ITPR2: variants seen among roughly 807,000 people sequenced by gnomAD.
The protein encoded by ITPR2 is inositol 1,4,5-trisphosphate-gated calcium channel ITPR2.
Under a neutral mutation model 317.1 loss-of-function variants are expected in ITPR2, and 207 were observed. That is an observed-to-expected ratio of 0.65 (90% confidence interval 0.58 to 0.73). The LOEUF (loss-of-function observed/expected upper bound fraction) is 0.73. Ranked by LOEUF, ITPR2 falls within the 30% of genes least tolerant of loss-of-function variation. The pLI is 0.00. For synonymous variants in ITPR2, 1,156 were observed against 1,149.1 expected, an observed-to-expected ratio of 1.01 and a Z score of -0.12; for missense variants, 2,613 against 3,284.0, an observed-to-expected ratio of 0.80 and a Z score of 4.99.
At chr12:26,429,970 A>G (rs1205341617) in intron 48 of ITPR2, among the ~76,000 whole-genome samples, 2 of 152,210 alleles carry the variant, frequency 1.3e-5, no homozygotes, top group African/African-American at 2.4e-5. Flanking sequence ...CCTCTTCACT[A>G]TTCTTTCCAA....
chr12:26,581,943 T>C (rs142161102), intron 32 of ITPR2, among the ~76,000 whole-genome samples: 308 of 152,318 alleles, frequency 2.0e-3, no homozygotes, highest in African/African-American at 7.0e-3. Flanking sequence ...ACACTGCATC[T>C]TCTGCAACTG....
chr12:26,748,358 C>T (rs1417355433), intron 2 of ITPR2, among the ~76,000 whole-genome samples: 1 of 152,116 alleles, frequency 6.6e-6, no homozygotes, highest in Non-Finnish European at 1.5e-5. Context: ...AGCACCCAGC[C>T]GAGGCTTTCC....
chr12:26,369,661 G>A (rs948038329), intron 55 of ITPR2, among the ~76,000 whole-genome samples: 12 of 152,252 alleles, frequency 7.9e-5, no homozygotes, highest in Middle Eastern at 3.4e-3. Context: ...TCTTGGGAGG[G>A]AGATTCTAAA....
chr12:26,764,447 G>C (rs79375490), intron 2 of ITPR2, among the ~76,000 whole-genome samples: 9,291 of 151,992 alleles, frequency 0.061, 663 homozygotes, highest in African/African-American at 0.18. Flanking sequence ...ATATGCAAAA[G>C]ACATACCTGA....
At chr12:26,710,977 G>A (rs1038911327) in intron 9 of ITPR2, among the ~76,000 whole-genome samples, 196 bp downstream of exon 9, 1 of 152,232 alleles carries the variant, frequency 6.6e-6, no homozygotes, top group East Asian at 1.9e-4. Flanking sequence ...TATTATCGTT[G>A]TTGTCTTAAT....
intron 13 of ITPR2, among the ~76,000 whole-genome samples, chr12:26,677,060 T>C (rs1947923653): frequency 6.6e-6 from 1 of 151,454 alleles, no homozygotes; most frequent in Non-Finnish European, 1.5e-5. Flanking sequence ...AGGAAGAATA[T>C]ATGGTCAAAA....
Position 26,338,750 on chromosome 12 carries a change from G to C in ITPR2, c.*647C>G, listed in dbSNP as rs1938006843. The C allele has an allele frequency of 6.6e-6, 1 of 152,144 alleles. No individual in the cohort carries two copies. Among genetic ancestry groups the C allele is most frequent in the Non-Finnish European group, 1.5e-5 (1 of 68,024 alleles). The allele number at this position is 152,144 out of a possible 1,614,324, so 9.4% of individuals were successfully genotyped here. On this transcript the variant is annotated 3_prime_UTR_variant, in exon 57 of 57. Coordinates refer to ENST00000381340, the MANE Select transcript of ITPR2 (RefSeq NM_002223.4). ...TGACAGAGCCTGTCTGAATCCCAGA[G>C]AAGGCAATCACATCCTGTTATGTTG...
intron 34 of ITPR2, among the ~76,000 whole-genome samples, chr12:26,574,007 A>G (rs1945221230): frequency 6.6e-6 from 1 of 152,208 alleles, no homozygotes; most frequent in Non-Finnish European, 1.5e-5. Context: ...AGGGTGACAC[A>G]AGAGAAAGAA....
chr12:26,715,029 C>T (rs1316937458), intron 8 of ITPR2, among the ~76,000 whole-genome samples: 3 of 151,866 alleles, frequency 2.0e-5, no homozygotes, highest in Admixed American at 6.6e-5. Context: ...AAAGTAAGAT[C>T]GTAATGTACC....
intron 37 of ITPR2, among the ~76,000 whole-genome samples, chr12:26,543,009 A>G (rs1160031757): frequency 6.6e-6 from 1 of 152,240 alleles, no homozygotes; most frequent in Non-Finnish European, 1.5e-5. Flanking sequence ...AGACATCTCT[A>G]CTTTCATGAT....
chr12:26,783,132 G>C (rs1394660001), intron 2 of ITPR2, among the ~76,000 whole-genome samples: 3 of 152,160 alleles, frequency 2.0e-5, no homozygotes, highest in African/African-American at 7.2e-5. Flanking sequence ...TTTCCCCCAA[G>C]TCCCTAATTA....
chr12:26,661,288 GT>G (rs1414274999), intron 15 of ITPR2, among the ~76,000 whole-genome samples: 6,223 of 61,878 alleles, frequency 0.1, 143 homozygotes, highest in Non-Finnish European at 0.14. Flanking sequence ...GGGGGGGGGG[GT>G]GGGAGGGAAC....
chr12:26,610,863 T>C (rs916929374), intron 26 of ITPR2, among the ~76,000 whole-genome samples: 1 of 152,180 alleles, frequency 6.6e-6, no homozygotes, highest in African/African-American at 2.4e-5. Context: ...TAATGAAGGA[T>C]AGCCTTTTCA....
intron 2 of ITPR2, among the ~76,000 whole-genome samples, chr12:26,765,327 T>G (rs1368787013): frequency 1.3e-5 from 2 of 152,080 alleles, no homozygotes; most frequent in African/African-American, 4.8e-5. Flanking sequence ...GATACAATTT[T>G]GTTATTTATT....
intron 5 of ITPR2, among the ~76,000 whole-genome samples, chr12:26,721,668 C>T (rs1487036571): frequency 6.6e-6 from 1 of 152,182 alleles, no homozygotes. Flanking sequence ...AAATATCACA[C>T]TCTAGATCCT....
intron 45 of ITPR2, among the ~76,000 whole-genome samples, chr12:26,474,962 A>C (rs1426762215): frequency 1.3e-5 from 2 of 151,592 alleles, no homozygotes; most frequent in Non-Finnish European, 2.9e-5. Flanking sequence ...CTCACTTCAC[A>C]CTCTGTCTCC....
Position 26,621,278 on chromosome 12 carries a change from T to C in ITPR2, c.3307A>G (p.Asn1103Asp). 6.2e-7 allele frequency: 1 copy of C among 1,610,974 alleles called. No individual in the cohort carries two copies. The highest frequency in any genetic ancestry group is 8.5e-7 in the Non-Finnish European group (1 of 1,178,620). Residue 1103 changes from asparagine to aspartate, a missense_variant, in exon 26 of 57, where the codon AAT becomes GAT. Coordinates refer to ENST00000381340, the MANE Select transcript of ITPR2 (RefSeq NM_002223.4). Reference protein sequence around the residue: ...AFKQVQLLVSNQDVDNYKQIK... With the variant: ...AFKQVQLLVSDQDVDNYKQIK... ...TGCTTGTAGTTATCTACGTCTTGAT[T>C]AGACACCAGTAATTGCACCTAAAAC... is the stretch of plus-strand genomic sequence containing the variant.
At position 26,663,702 on chromosome 12, in the gene ITPR2, C is replaced by T. The variant is rs1166305875; in HGVS notation, c.1696G>A (p.Asp566Asn). The T allele has an allele frequency of 1.4e-5, 22 of 1,610,342 alleles. No homozygotes were observed. The highest frequency in any genetic ancestry group is 2.2e-5 in the South Asian group (2 of 90,118). The change falls in exon 15 of 57, where the codon GAT becomes AAT. Residue 566 changes from aspartate to asparagine, a missense_variant. Transcript: ENST00000381340. ...CCTCTGACCTGATTTTTCCGGTAAT[C>T]CTGCTGCGAGTGTCTCAGGACGCGG... ...CYRVLRHSQQDYRKNQEYIAK... is the reference protein window; with the variant it reads ...CYRVLRHSQQNYRKNQEYIAK...
At chr12:26,357,241 T>C (rs891194183) in intron 55 of ITPR2, among the ~76,000 whole-genome samples, 22 of 152,072 alleles carry the variant, frequency 1.4e-4, no homozygotes, top group Admixed American at 6.6e-5. Context: ...GCCCCACCTC[T>C]GGAAAGGGAA....
Sources: gnomAD v4.1 joint callset for allele counts (sites outside exome capture counted in the v4.1 genomes callset) on GRCh38, gnomAD v4.1.1 for gene constraint, MANE v1.5 for transcripts, NCBI Gene and HGNC (gene_info 2026-07-23, HGNC 2026-07-21) for gene names.